NKAIN2: variants seen among roughly 807,000 people sequenced by gnomAD.
The protein encoded by NKAIN2 is sodium/potassium-transporting ATPase subunit beta-1-interacting protein 2.
A neutral mutation model predicts 32.6 loss-of-function variants in NKAIN2; 14 were observed. The observed-to-expected ratio is 0.43, with a 90% CI of 0.28 to 0.67. The LOEUF (loss-of-function observed/expected upper bound fraction) is 0.67. Ranked by LOEUF, NKAIN2 falls within the 30% of genes least tolerant of loss-of-function variation. The pLI is 0.17. For synonymous variants in NKAIN2, 80 were observed against 87.2 expected (o/e 0.92, Z 0.46); for missense variants, 198 against 258.3 (o/e 0.77, Z 1.60).
chr6:123,817,561 C>G (rs1173372256), intron 1 of NKAIN2, among the ~76,000 whole-genome samples: 1 of 152,096 alleles, frequency 6.6e-6, no homozygotes, highest in Non-Finnish European at 1.5e-5. Flanking sequence ...GAGAGTCATG[C>G]TCTTTATCCC....
chr6:124,164,307 T>C (rs911510431), intron 1 of NKAIN2, among the ~76,000 whole-genome samples: 14 of 152,000 alleles, frequency 9.2e-5, no homozygotes, highest in African/African-American at 3.4e-4. Flanking sequence ...CAGGAAACCA[T>C]ATTAACTCAA....
intron 1 of NKAIN2, among the ~76,000 whole-genome samples, chr6:124,146,822 A>G (rs571047973): frequency 1.3e-5 from 2 of 152,332 alleles, no homozygotes; most frequent in Non-Finnish European, 2.9e-5. Flanking sequence ...GTTTAGGAAT[A>G]CATATGTAAG....
intron 1 of NKAIN2, among the ~76,000 whole-genome samples, chr6:124,085,606 T>C (rs1052235634): frequency 1.3e-5 from 2 of 151,894 alleles, no homozygotes; most frequent in East Asian, 1.9e-4. Context: ...CTTTATGTGG[T>C]TTTAAGAGGA....
chr6:123,915,938 C>T (rs1775472381), intron 1 of NKAIN2, among the ~76,000 whole-genome samples: 1 of 152,132 alleles, frequency 6.6e-6, no homozygotes, highest in Non-Finnish European at 1.5e-5. Context: ...ATATTTTCTG[C>T]ATAGGTGTTT....
chr6:124,446,557 G>A (rs1775902912), intron 3 of NKAIN2, among the ~76,000 whole-genome samples: 1 of 151,978 alleles, frequency 6.6e-6, no homozygotes, highest in African/African-American at 2.4e-5. Context: ...TGCCCAGGCT[G>A]GTCTTGAACT....
At chr6:123,816,288 C>T (rs1773690875) in intron 1 of NKAIN2, among the ~76,000 whole-genome samples, 1 of 151,960 alleles carries the variant, frequency 6.6e-6, no homozygotes, top group Non-Finnish European at 1.5e-5. Context: ...AGTTTGGGAC[C>T]TTATAGAATA....
At chr6:123,945,536 A>T (rs1249973163) in intron 1 of NKAIN2, among the ~76,000 whole-genome samples, 1 of 152,034 alleles carries the variant, frequency 6.6e-6, no homozygotes, top group Non-Finnish European at 1.5e-5. Flanking sequence ...GTGACTATGA[A>T]CATGTACTCT....
intron 1 of NKAIN2, among the ~76,000 whole-genome samples, chr6:124,033,457 G>A (rs1180775267): frequency 6.6e-6 from 1 of 152,046 alleles, no homozygotes; most frequent in African/African-American, 2.4e-5. Flanking sequence ...TTAAGTGGCT[G>A]TTTATTTAGA....
chr6:124,085,260 A>G (rs1445555650), intron 1 of NKAIN2, among the ~76,000 whole-genome samples: 1 of 152,066 alleles, frequency 6.6e-6, no homozygotes, highest in African/African-American at 2.4e-5. Flanking sequence ...TAAATTTTTC[A>G]GTGGTTTATT....
At chr6:124,412,068 A>G (rs1032957387) in intron 3 of NKAIN2, among the ~76,000 whole-genome samples, 1 of 151,212 alleles carries the variant, frequency 6.6e-6, no homozygotes, top group Non-Finnish European at 1.5e-5. Context: ...TGGTTATTCT[A>G]TTTATCCGTT....
chr6:124,177,165 C>T (rs1789198272), intron 1 of NKAIN2, among the ~76,000 whole-genome samples: 1 of 151,986 alleles, frequency 6.6e-6, no homozygotes, highest in African/African-American at 2.4e-5. Flanking sequence ...TATCAATTAC[C>T]AGTTTTAAAT....
intron 1 of NKAIN2, among the ~76,000 whole-genome samples, chr6:124,213,832 A>G (rs1468042017): frequency 6.6e-6 from 1 of 152,162 alleles, no homozygotes; most frequent in Non-Finnish European, 1.5e-5. Context: ...CATAGGATGA[A>G]CAAGTGTATT....
chr6:124,654,250 C>T (rs1282549910), intron 3 of NKAIN2, among the ~76,000 whole-genome samples: 1 of 151,952 alleles, frequency 6.6e-6, no homozygotes, highest in Non-Finnish European at 1.5e-5. Context: ...ACAAGAAATG[C>T]TATTTTTGGC....
intron 3 of NKAIN2, among the ~76,000 whole-genome samples, chr6:124,483,810 AAAT>A (rs1777549373): frequency 6.6e-6 from 1 of 152,004 alleles, no homozygotes; most frequent in South Asian, 2.1e-4. Flanking sequence ...AAAACATTAT[AAAT>A]AATATTTTTA....
chr6:123,999,804 G>A (rs1160017424), intron 1 of NKAIN2, among the ~76,000 whole-genome samples: 2 of 152,072 alleles, frequency 1.3e-5, no homozygotes, highest in Admixed American at 1.3e-4. Context: ...ACATTAGAGA[G>A]AGAAATGTCA....
At chr6:124,571,745 C>G (rs1439888526) in intron 3 of NKAIN2, among the ~76,000 whole-genome samples, 1 of 152,148 alleles carries the variant, frequency 6.6e-6, no homozygotes, top group African/African-American at 2.4e-5. Flanking sequence ...CTCTCCAGCT[C>G]TAGAGATTTC....
chr6:124,070,466 T>C (rs1783402299), intron 1 of NKAIN2, among the ~76,000 whole-genome samples: 1 of 152,176 alleles, frequency 6.6e-6, no homozygotes, highest in Non-Finnish European at 1.5e-5. Context: ...CAGTGTGAAT[T>C]GAGTATTCCT....
chr6:124,405,788 G>T lies in NKAIN2; in HGVS notation c.273+50441G>T, dbSNP rs371245856. 7.2e-5 allele frequency among the ~76,000 whole-genome samples: 11 copies of T among 152,062 alleles called. No homozygotes were observed. In the South Asian group the frequency reaches 8.3e-4, roughly 11 times the overall value. ...TTGTTTTAAATACAAATAACTTAAA[G>T]TTTAATACATTTTGCATTGCCTGGA... On this transcript the variant is annotated intron_variant, in intron 3 of 6. Coordinates refer to ENST00000368417, the MANE Select transcript of NKAIN2 (RefSeq NM_001040214.3).
chr6:124,185,830 A>G (rs994648135), intron 1 of NKAIN2, among the ~76,000 whole-genome samples: 1 of 150,298 alleles, frequency 6.7e-6, no homozygotes, highest in Non-Finnish European at 1.5e-5. Flanking sequence ...TTTAGATATG[A>G]TACAGAAATA....
Sources: allele counts gnomAD v4.1 joint callset (sites outside exome capture counted in the v4.1 genomes callset), GRCh38; gene constraint gnomAD v4.1.1; transcripts MANE v1.5; gene names NCBI Gene and HGNC (gene_info 2026-07-23, HGNC 2026-07-21).